The following VPS13B variants were observed in gnomAD, a reference collection of about 807,000 sequenced individuals.
The protein encoded by VPS13B is intermembrane lipid transfer protein VPS13B.
VPS13B carries 285 observed loss-of-function variants against 426.4 expected under a neutral mutation model. The ratio of observed to expected loss-of-function variants is 0.67; its 90% CI spans 0.61 to 0.74. The LOEUF (loss-of-function observed/expected upper bound fraction) is 0.74. VPS13B is among the 30% of genes least tolerant of loss of function. The pLI is 0.00. For synonymous variants in VPS13B, 1,676 were observed against 1,676.4 expected, an observed-to-expected ratio of 1.00 and a Z score of 0.01; for missense variants, 4,537 against 4,782.6, an observed-to-expected ratio of 0.95 and a Z score of 1.51.
intron 49 of VPS13B, 41 bp from the exon 50 acceptor site, chr8:99,821,253 G>T: frequency 6.3e-7 from 1 of 1,596,560 alleles, no homozygotes; most frequent in South Asian, 1.1e-5. Flanking sequence ...AAATATCAAA[G>T]GTAAGAAAAT....
intron 17 of VPS13B, among the ~76,000 whole-genome samples, chr8:99,238,922 T>G (rs1816773473): frequency 6.6e-6 from 1 of 152,126 alleles, no homozygotes; most frequent in Non-Finnish European, 1.5e-5. Context: ...CTTTTTCCCC[T>G]CTCCAAAAAT....
chr8:99,438,034 C>CTTTTTTTTTTTTT (rs746500253), intron 22 of VPS13B, among the ~76,000 whole-genome samples: 4 of 120,604 alleles, frequency 3.3e-5, no homozygotes, highest in East Asian at 2.5e-4. Flanking sequence ...TTCTTTTCCT[C>CTTTTTTTTTTTTT]TTTTTTTTTT....
chr8:99,261,205 A>G (rs1024844006), intron 17 of VPS13B, among the ~76,000 whole-genome samples: 3 of 152,100 alleles, frequency 2.0e-5, no homozygotes, highest in African/African-American at 4.8e-5. Context: ...GAAAATGTAC[A>G]TGTTATGTAT....
At chr8:99,814,224 T>C (rs925327161) in intron 44 of VPS13B, among the ~76,000 whole-genome samples, 6 of 152,242 alleles carry the variant, frequency 3.9e-5, no homozygotes, top group African/African-American at 1.4e-4. Flanking sequence ...AAATTGATGG[T>C]TACAGAGAAC....
intron 17 of VPS13B, chr8:99,233,395 G>A (rs1816457073): frequency 1.8e-6 from 2 of 1,102,390 alleles, no homozygotes; most frequent in Non-Finnish European, 1.4e-6. Context: ...GGCCTTGATG[G>A]AGGCTCTGGC....
chr8:99,052,764 G>C (rs1000764981), intron 3 of VPS13B, among the ~76,000 whole-genome samples: 1 of 152,206 alleles, frequency 6.6e-6, no homozygotes, highest in African/African-American at 2.4e-5. Flanking sequence ...TCTTGGGAGG[G>C]TGTATGTGTC....
At chr8:99,403,612 G>A (rs1304601954) in intron 21 of VPS13B, among the ~76,000 whole-genome samples, 2 of 151,730 alleles carry the variant, frequency 1.3e-5, no homozygotes, top group African/African-American at 2.4e-5. Flanking sequence ...ATCATGTGCC[G>A]ACCTCTTGGA....
intron 25 of VPS13B, among the ~76,000 whole-genome samples, chr8:99,483,695 G>A: frequency 6.6e-6 from 1 of 152,228 alleles, no homozygotes; most frequent in South Asian, 2.1e-4. Context: ...AGTACTGTGT[G>A]TACAGGAATG....
At chr8:99,068,531 A>C (rs1587992295) in intron 3 of VPS13B, among the ~76,000 whole-genome samples, 1 of 152,352 alleles carries the variant, frequency 6.6e-6, no homozygotes, top group East Asian at 1.9e-4. Flanking sequence ...CAATGGCAGA[A>C]TTGAGAAGTT....
At position 99,641,965 on chromosome 8, in the gene VPS13B, A is replaced by G. The variant is rs1181876350; in HGVS notation, c.5375A>G (p.His1792Arg). Residue 1792 changes from histidine (H) to arginine (R), a missense_variant, in exon 34 of 62, where the codon CAT becomes CGT. By Grantham distance (29) the His-to-Arg change is conservative (BLOSUM62 0). This residue lies in a region of VPS13B where 4,311 missense variants were observed against 4,474.3 expected (regional missense o/e 0.96). Coordinates refer to ENST00000357162, the MANE Select transcript of VPS13B (RefSeq NM_152564.5). ...QIEQHSGASQ[H>R]RIARPSRQSS... ...GAGCAGCACAGTGGTGCCAGTCAGC[A>G]TCGCATTGCCCGTCCCTCACGCCAG... The G allele has an allele frequency of 3.7e-6, 6 of 1,614,050 alleles. No homozygotes were observed. In the African/African-American group the frequency reaches 6.7e-5, roughly 18 times the overall value.
rs145707491 is a variant in VPS13B at position 99,667,745 on chromosome 8, A to G, written c.6046+6254A>G. ...ACATTAATTTAGGAATCAAATGGCT[A>G]TAGAAGATAGTGAGACTTGCATACC... On this transcript the variant is annotated intron_variant, in intron 35 of 61. Transcript: ENST00000357162. Among the ~76,000 whole-genome samples the G allele has an allele frequency of 4.1e-3, 618 of 152,298 alleles. 7 individuals are homozygous for G. Among genetic ancestry groups the G allele is most frequent in the African/African-American group, 0.014 (571 of 41,566 alleles).
At chr8:99,834,785 C>T (rs933748817) in intron 52 of VPS13B, among the ~76,000 whole-genome samples, 2 of 152,182 alleles carry the variant, frequency 1.3e-5, no homozygotes, top group African/African-American at 4.8e-5. Context: ...GGCTTGAACT[C>T]CTGGGCTTAA....
chr8:99,295,915 C>T (rs111413386), intron 19 of VPS13B, among the ~76,000 whole-genome samples: 8,289 of 152,080 alleles, frequency 0.055, 266 homozygotes, highest in African/African-American at 0.089. Context: ...CCCCTGTAGT[C>T]CCAGCTACTT....
intron 53 of VPS13B, 98 bp downstream of exon 53, chr8:99,835,422 TTAAA>T (rs1425339691): frequency 1.3e-6 from 2 of 1,499,952 alleles, no homozygotes; most frequent in African/African-American, 2.8e-5. Context: ...AAAAAAATAT[TTAAA>T]TAAAAGCATT....
At chr8:99,397,108 A>C (rs902696431) in intron 21 of VPS13B, among the ~76,000 whole-genome samples, 1 of 152,088 alleles carries the variant, frequency 6.6e-6, no homozygotes, top group Non-Finnish European at 1.5e-5. Flanking sequence ...GTCTTTGGAG[A>C]ATCATCTTTG....
intron 17 of VPS13B, among the ~76,000 whole-genome samples, chr8:99,263,104 T>C (rs1453009986): frequency 6.6e-6 from 1 of 152,182 alleles, no homozygotes; most frequent in Non-Finnish European, 1.5e-5. Flanking sequence ...AATTATAGCT[T>C]TGCAAGGCTT....
chr8:99,652,481 A>C (rs1829859978), intron 34 of VPS13B, among the ~76,000 whole-genome samples: 1 of 152,084 alleles, frequency 6.6e-6, no homozygotes, highest in African/African-American at 2.4e-5. Context: ...TAAATGGTAA[A>C]ATAATGCATA....
At chr8:99,073,393 CT>C (rs1342920298) in intron 3 of VPS13B, among the ~76,000 whole-genome samples, 18 of 152,092 alleles carry the variant, frequency 1.2e-4, no homozygotes, top group African/African-American at 4.3e-4. Flanking sequence ...GTATCCTTTT[CT>C]GTTTCTTTAA....
At chr8:99,146,876 CTT>C (rs541827712) in intron 13 of VPS13B, among the ~76,000 whole-genome samples, 2 of 152,024 alleles carry the variant, frequency 1.3e-5, no homozygotes, top group Non-Finnish European at 2.9e-5. Flanking sequence ...GCACTTGACT[CTT>C]TTAATATAGA....
Sources: allele counts gnomAD v4.1 joint callset (sites outside exome capture counted in the v4.1 genomes callset), GRCh38; gene constraint gnomAD v4.1.1; regional missense constraint gnomAD v4.1.1; transcripts MANE v1.5; gene names NCBI Gene and HGNC (gene_info 2026-07-23, HGNC 2026-07-21).